The following C12orf42 variants were observed in gnomAD, a reference collection of about 807,000 sequenced individuals.
C12orf42 encodes uncharacterized protein C12orf42.
In C12orf42, 25 loss-of-function variants were observed where a neutral mutation model predicts 21.6. The observed-to-expected ratio is 1.16, with a 90% confidence interval of 0.84 to 1.62. The LOEUF (loss-of-function observed/expected upper bound fraction) is 1.62, where lower values mean the gene tolerates loss of function less well. Ranked by LOEUF, C12orf42 falls within the 40% of genes most tolerant of loss-of-function variation. The pLI is 0.00. For missense variants in C12orf42, 483 were observed against 459.3 expected, an observed-to-expected ratio of 1.05 and a Z score of -0.47; for synonymous variants, 174 against 175.0, an observed-to-expected ratio of 0.99 and a Z score of 0.05.
chr12:103,294,614 AAGAAAGAAAG>A (rs1226425594), intron 4 of C12orf42, among the ~76,000 whole-genome samples: 40 of 146,912 alleles, frequency 2.7e-4, no homozygotes, highest in African/African-American at 9.8e-4. Flanking sequence ...GAAAGAAAGA[AAGAAAGAAAG>A]AAAGAAAGAA....
the C12orf42 span, among the ~76,000 whole-genome samples, chr12:103,084,788 GCATTGAGATACTGT>G: frequency 6.6e-6 from 1 of 152,148 alleles, no homozygotes; most frequent in Non-Finnish European, 1.5e-5. Flanking sequence ...AACCAAGTAT[GCATTGAGATACTGT>G]CATTTACTAG....
At chr12:103,125,899 A>T in the C12orf42 span, among the ~76,000 whole-genome samples, 1 of 152,202 alleles carries the variant, frequency 6.6e-6, no homozygotes, top group African/African-American at 2.4e-5. Context: ...TTGGAAGGAG[A>T]CATTGTCAAT....
intron 2 of C12orf42, among the ~76,000 whole-genome samples, chr12:103,454,558 C>T (rs1469953669): frequency 6.6e-6 from 1 of 151,976 alleles, no homozygotes; most frequent in East Asian, 1.9e-4. Context: ...CTACTTTTTC[C>T]TCAGGTTTCT....
At chr12:103,486,890 A>G (rs1954871196) in intron 1 of C12orf42, among the ~76,000 whole-genome samples, 1 of 152,106 alleles carries the variant, frequency 6.6e-6, no homozygotes, top group East Asian at 1.9e-4. Context: ...AATTTTATTG[A>G]TCTTTTCAAA....
chr12:103,252,610 T>C (rs2034365359), intron 10 of C12orf42, among the ~76,000 whole-genome samples: 2 of 152,272 alleles, frequency 1.3e-5, no homozygotes, highest in Admixed American at 1.3e-4. Flanking sequence ...AAGTGTCTGT[T>C]CATGTCCTTT....
the C12orf42 span, among the ~76,000 whole-genome samples, chr12:103,062,073 G>A: frequency 6.6e-6 from 1 of 151,880 alleles, no homozygotes; most frequent in South Asian, 2.1e-4. Context: ...ATAAATGAAT[G>A]GTTTCACCAC....
At chr12:103,330,768 T>C (rs996509277) in intron 4 of C12orf42, among the ~76,000 whole-genome samples, 13 of 152,208 alleles carry the variant, frequency 8.5e-5, no homozygotes, top group Non-Finnish European at 1.5e-4. Context: ...GATTCTCTTG[T>C]TTGCAAGGAC....
intron 2 of C12orf42, among the ~76,000 whole-genome samples, chr12:103,467,120 G>T (rs1302321124): frequency 2.0e-5 from 3 of 152,170 alleles, no homozygotes; most frequent in Admixed American, 1.3e-4. Flanking sequence ...GCTGTAAATT[G>T]TCTGTTACAT....
At chr12:103,406,003 C>A (rs1210824824) in intron 2 of C12orf42, among the ~76,000 whole-genome samples, 1 of 152,156 alleles carries the variant, frequency 6.6e-6, no homozygotes, top group African/African-American at 2.4e-5. Context: ...TAGAAAATTA[C>A]TGCCCGATTT....
chr12:103,389,944 C>G (rs774349104), intron 3 of C12orf42, among the ~76,000 whole-genome samples: 1 of 152,180 alleles, frequency 6.6e-6, no homozygotes, highest in Non-Finnish European at 1.5e-5. Flanking sequence ...GGTCTGTTGG[C>G]AGAGAAATCT....
intron 10 of C12orf42, among the ~76,000 whole-genome samples, chr12:103,241,913 T>G (rs1028030591): frequency 6.6e-6 from 1 of 152,172 alleles, no homozygotes; most frequent in Non-Finnish European, 1.5e-5. Context: ...AATAAATGTA[T>G]AGGCACTAAA....
intron 1 of C12orf42, among the ~76,000 whole-genome samples, chr12:103,484,957 C>A (rs1954732767): frequency 6.6e-6 from 1 of 150,760 alleles, no homozygotes; most frequent in Non-Finnish European, 1.5e-5. Context: ...GCAAGCTCCA[C>A]CTCCTGGGTT....
the C12orf42 span, among the ~76,000 whole-genome samples, chr12:103,216,526 A>T: frequency 2.6e-5 from 4 of 151,888 alleles, no homozygotes; most frequent in Admixed American, 1.3e-4. Flanking sequence ...GGCTCCTGCC[A>T]CCACGCCTGG....
the C12orf42 span, among the ~76,000 whole-genome samples, chr12:103,231,416 C>T: frequency 1.3e-5 from 2 of 152,168 alleles, no homozygotes; most frequent in Non-Finnish European, 2.9e-5. Flanking sequence ...TAGTAACATA[C>T]AAAGTAGTTT....
the C12orf42 span, among the ~76,000 whole-genome samples, chr12:103,136,396 C>T: frequency 6.6e-6 from 1 of 152,112 alleles, no homozygotes; most frequent in Admixed American, 6.6e-5. Context: ...AATCAAAAGA[C>T]ATTCTATGCT....
At chr12:103,079,762 C>T in the C12orf42 span, among the ~76,000 whole-genome samples, 91 of 152,308 alleles carry the variant, frequency 6.0e-4, 1 homozygote, top group African/African-American at 2.1e-3. Context: ...TTTCAACATG[C>T]CTTCAGATTT....
At chr12:103,124,155 C>CTTTTTTTTTT in the C12orf42 span, among the ~76,000 whole-genome samples, 3 of 75,990 alleles carry the variant, frequency 3.9e-5, no homozygotes, top group African/African-American at 1.5e-4. Context: ...CAAACATAAG[C>CTTTTTTTTTT]TTTTTTTTTT....
At chr12:103,335,400 A>G (rs990171388) in intron 4 of C12orf42, among the ~76,000 whole-genome samples, 17 of 152,256 alleles carry the variant, frequency 1.1e-4, no homozygotes, top group African/African-American at 4.1e-4. Flanking sequence ...TCACTATCCC[A>G]AGAATAGAAG....
chr12:103,415,245 C>T (rs1352318121), intron 2 of C12orf42, among the ~76,000 whole-genome samples: 4 of 152,124 alleles, frequency 2.6e-5, no homozygotes, highest in South Asian at 4.1e-4. Context: ...AATATATACA[C>T]ACCCAACAGT....
Sources: gnomAD v4.1 joint callset for allele counts (sites outside exome capture counted in the v4.1 genomes callset) on GRCh38, gnomAD v4.1.1 for gene constraint, MANE v1.5 for transcripts, NCBI Gene and HGNC (gene_info 2026-07-23, HGNC 2026-07-21) for gene names.